The following C4orf17 variants were observed in gnomAD, a reference collection of about 807,000 sequenced individuals.
The protein encoded by C4orf17 is uncharacterized protein C4orf17.
In C4orf17, 25 loss-of-function variants were observed where a neutral mutation model predicts 32.0. That is an observed-to-expected ratio of 0.78 (90% CI 0.57 to 1.09). The LOEUF (loss-of-function observed/expected upper bound fraction) is 1.09. Among genes scored for constraint, C4orf17 ranks in the 50% least tolerant of loss-of-function variants. The pLI is 0.00. For missense variants in C4orf17, 420 were observed against 420.0 expected (o/e 1.00, Z 0.00); for synonymous variants, 149 against 145.8 (o/e 1.02, Z -0.16).
chr4:99,529,995 C>T, intron 5 of C4orf17, 37 bp downstream of exon 5: 1 of 1,555,562 alleles, frequency 6.4e-7, no homozygotes, highest in Non-Finnish European at 8.7e-7. Context: ...AACTTGGAAA[C>T]AGCATGAATA....
At chr4:99,540,716 G>A (rs1322024461) in intron 8 of C4orf17, 1 of 315,854 alleles carries the variant, frequency 3.2e-6, no homozygotes, top group Non-Finnish European at 5.8e-6. Context: ...CTATAGGTTT[G>A]GTTATAGCAA....
In C4orf17 at chr4:99,522,528, G is replaced by C; in HGVS notation, c.156G>C (p.Val52=). ...KGLNNIPICT[V]NDDENAFGTL... is the part of the protein sequence containing the mutation. ...TGAATAACATTCCAATCTGTACTGT[G>C]AATGATGATGAGAATGCATTTGGAA... The change falls in exon 3 of 9, where the codon GTG becomes GTC. Residue 52 remains valine, a synonymous_variant. Transcript: ENST00000326581. The C allele has an allele frequency of 1.9e-6, 3 of 1,613,806 alleles. No homozygotes were observed. The highest frequency in any genetic ancestry group is 2.5e-6 in the Non-Finnish European group (3 of 1,179,856).
chr4:99,535,677 C>T (rs7688705), intron 5 of C4orf17, among the ~76,000 whole-genome samples: 13,912 of 152,172 alleles, frequency 0.091, 1,185 homozygotes, highest in African/African-American at 0.21. Context: ...TAGGTTACAA[C>T]ATGCTCCTTT....
At chr4:99,535,754 C>G (rs1019780700) in intron 5 of C4orf17, among the ~76,000 whole-genome samples, 3 of 152,220 alleles carry the variant, frequency 2.0e-5, no homozygotes, top group Non-Finnish European at 4.4e-5. Flanking sequence ...ATCTCAGCCT[C>G]AGCCCAGTTC....
intron 2 of C4orf17, among the ~76,000 whole-genome samples, chr4:99,521,928 C>G (rs1363836983): frequency 1.3e-5 from 2 of 152,190 alleles, no homozygotes; most frequent in African/African-American, 4.8e-5. Flanking sequence ...ACCCAGAAGT[C>G]TCTCACATGA....
At chr4:99,537,830 T>A (rs1723586575) in intron 6 of C4orf17, 80 bp downstream of exon 6, 1 of 1,014,678 alleles carries the variant, frequency 9.9e-7, no homozygotes, top group Non-Finnish European at 1.5e-6. Context: ...TCTGAAGTTT[T>A]GTACCTTGGA....
chr4:99,521,662 A>G (rs1182433357), intron 2 of C4orf17, among the ~76,000 whole-genome samples: 2 of 152,190 alleles, frequency 1.3e-5, no homozygotes, highest in African/African-American at 4.8e-5. Context: ...GATTTGGAAA[A>G]ATGAGCAAGT....
intron 2 of C4orf17, among the ~76,000 whole-genome samples, chr4:99,519,888 A>G (rs1723255553): frequency 1.3e-5 from 2 of 152,270 alleles, no homozygotes; most frequent in South Asian, 4.1e-4. Context: ...CAGCAGAGGG[A>G]AACAAATTCA....
chr4:99,518,544 T>TATATAGAGAG (rs1393245676), intron 2 of C4orf17, among the ~76,000 whole-genome samples: 5 of 36,816 alleles, frequency 1.4e-4, no homozygotes, highest in African/African-American at 3.9e-4. Flanking sequence ...TATATATATA[T>TATATAGAGAG]AGAGAGAGAG....
intron 2 of C4orf17, among the ~76,000 whole-genome samples, chr4:99,514,933 T>A (rs770127178): frequency 1.1e-4 from 17 of 152,158 alleles, no homozygotes; most frequent in Non-Finnish European, 2.1e-4. Flanking sequence ...TAAAGAGGAA[T>A]GAAATAATGT....
At chr4:99,521,655 T>G (rs936302325) in intron 2 of C4orf17, among the ~76,000 whole-genome samples, 1 of 152,058 alleles carries the variant, frequency 6.6e-6, no homozygotes, top group Non-Finnish European at 1.5e-5. Flanking sequence ...GGAGAGAGAT[T>G]TGGAAAAATG....
In C4orf17 at chr4:99,537,676, C is replaced by A. The variant is rs1168168131; in HGVS notation, c.554C>A (p.Ala185Glu). The change falls in exon 6 of 9, where the codon GCA becomes GAA. Residue 185 changes from alanine (A) to glutamate (E), a missense_variant. Physicochemically the swap from Ala to Glu is moderately radical, Grantham distance 107 (BLOSUM62 -1). Transcript: ENST00000326581. ...TCTAATGTTCTCTGTCAGATCCTGG[C>A]AAAGCTCTGTAGCATTTTGCATACT... The part of the protein sequence containing the change: ...NYLDQEIKIL[A>E]KLCSILHTDS... 7 of 1,611,726 alleles carry A rather than the reference C, an allele frequency of 4.3e-6. 1 individual carries two copies. In the Middle Eastern group the frequency reaches 6.6e-4, roughly 152 times the overall value.
intron 2 of C4orf17, among the ~76,000 whole-genome samples, chr4:99,521,923 G>C (rs1723292723): frequency 6.6e-6 from 1 of 152,170 alleles, no homozygotes; most frequent in Non-Finnish European, 1.5e-5. Flanking sequence ...AGTGAACCCA[G>C]AAGTCTCTCA....
At chr4:99,523,629 A>C (rs1156568027) in intron 3 of C4orf17, among the ~76,000 whole-genome samples, 1 of 152,222 alleles carries the variant, frequency 6.6e-6, no homozygotes, top group Non-Finnish European at 1.5e-5. Flanking sequence ...TGCAAGAAAG[A>C]GGCCTTTGAT....
At chr4:99,533,938 C>T (rs1723518043) in intron 5 of C4orf17, among the ~76,000 whole-genome samples, 1 of 152,124 alleles carries the variant, frequency 6.6e-6, no homozygotes, top group Admixed American at 6.5e-5. Flanking sequence ...GTTCACTTGC[C>T]AATATATTAA....
rs189538437 is a variant in C4orf17, at chr4:99,528,794, C to G, written c.403-1021C>G. ...CTTTCATGGGAATGGTATGGGGGAA[C>G]CTGACCCCATGATTCAATTAACTCC... On this transcript the variant is annotated intron_variant, in intron 4 of 8. Coordinates refer to ENST00000326581, the MANE Select transcript of C4orf17 (RefSeq NM_032149.3). Among the ~76,000 whole-genome samples the G allele has an allele frequency of 8.7e-4, 133 of 152,222 alleles. 2 individuals are homozygous for G. Among genetic ancestry groups the G allele is most frequent in the Middle Eastern group, 6.8e-3 (2 of 294 alleles).
intron 7 of C4orf17, 135 bp downstream of exon 7, chr4:99,539,505 T>C: frequency 4.6e-6 from 3 of 654,260 alleles, no homozygotes; most frequent in African/African-American, 1.8e-5. Flanking sequence ...GACTGCAATA[T>C]ATATTTGCTT....
At chr4:99,527,719 G>A (rs1340194161) in intron 4 of C4orf17, among the ~76,000 whole-genome samples, 2 of 152,218 alleles carry the variant, frequency 1.3e-5, no homozygotes, top group Non-Finnish European at 2.9e-5. Flanking sequence ...GCAGCAGGTT[G>A]TGGTCCAGGG....
In C4orf17 at chr4:99,541,988, A is replaced by C; in HGVS notation, c.959A>C (p.Asn320Thr). 1.9e-6 allele frequency: 3 copies of C among 1,614,024 alleles called. No homozygotes were observed. The highest frequency in any genetic ancestry group is 2.5e-6 in the Non-Finnish European group (3 of 1,179,950). ...IPVAEYFSKP[N>T]SPPRPNTQES... ...GTTGCAGAATATTTCAGCAAACCAAATTCTCCTCCCAGGCCTAACACTCAG... is the reference window on the plus strand; with the variant it reads ...GTTGCAGAATATTTCAGCAAACCAACTTCTCCTCCCAGGCCTAACACTCAG... The change falls in exon 9 of 9, where the codon AAT becomes ACT. Residue 320 changes from asparagine (N) to threonine (T), a missense_variant. Physicochemically the swap from Asn to Thr is moderately conservative, Grantham distance 65. Coordinates refer to ENST00000326581, the MANE Select transcript of C4orf17 (RefSeq NM_032149.3).
Sources: gnomAD v4.1 joint callset for allele counts (sites outside exome capture counted in the v4.1 genomes callset) on GRCh38, gnomAD v4.1.1 for gene constraint, MANE v1.5 for transcripts, NCBI Gene and HGNC (gene_info 2026-07-23, HGNC 2026-07-21) for gene names.